FGF12: variants seen among roughly 807,000 people sequenced by gnomAD.
FGF12 encodes fibroblast growth factor 12.
A neutral mutation model predicts 23.6 loss-of-function variants in FGF12; 14 were observed. The observed-to-expected ratio is 0.59, with a 90% CI of 0.39 to 0.93. The LOEUF (loss-of-function observed/expected upper bound fraction) is 0.93. FGF12 is among the 40% of genes least tolerant of loss of function. The probability of loss-of-function intolerance (pLI) is 0.00; values close to 1 mark genes in which losing one functional copy is unlikely to be tolerated. For synonymous variants in FGF12, 62 were observed against 77.3 expected (o/e 0.80, Z 1.04); for missense variants, 175 against 217.8 (o/e 0.80, Z 1.24).
chr3:192,516,336 A>G (rs1244609790), intron 2 of FGF12: 1 of 152,206 alleles, frequency 6.6e-6, no homozygotes, highest in Non-Finnish European at 1.5e-5. Context: ...GAAAACTGTT[A>G]GGTTTTCCCT....
chr3:192,691,583 G>C (rs556541420), intron 2 of FGF12, among the ~76,000 whole-genome samples: 12 of 151,892 alleles, frequency 7.9e-5, no homozygotes, highest in African/African-American at 2.9e-4. Flanking sequence ...ACATTAAAAA[G>C]AAGAAAGACC....
intron 2 of FGF12, among the ~76,000 whole-genome samples, chr3:192,574,856 G>T (rs1262252312): frequency 6.6e-6 from 1 of 152,192 alleles, no homozygotes; most frequent in South Asian, 2.1e-4. Context: ...AATCTCATGA[G>T]AGACCCTGAA....
intron 2 of FGF12, among the ~76,000 whole-genome samples, chr3:192,546,986 G>A (rs966927162): frequency 1.3e-5 from 2 of 152,126 alleles, no homozygotes; most frequent in African/African-American, 4.8e-5. Context: ...AGGAGGTTGA[G>A]GCTGCAGTGA....
chr3:192,464,648 C>A (rs1722959603), intron 2 of FGF12, among the ~76,000 whole-genome samples: 1 of 152,022 alleles, frequency 6.6e-6, no homozygotes, highest in Non-Finnish European at 1.5e-5. Flanking sequence ...GTCTCTTTTT[C>A]ACATAATGAC....
intron 4 of FGF12, among the ~76,000 whole-genome samples, chr3:192,328,131 A>AG (rs751454753): frequency 1.8e-3 from 270 of 152,326 alleles, no homozygotes; most frequent in Non-Finnish European, 1.9e-3. Context: ...GCAGAGTCAC[A>AG]GGTACGTATT....
At chr3:192,255,378 T>C (rs930533866) in intron 4 of FGF12, among the ~76,000 whole-genome samples, 6 of 151,942 alleles carry the variant, frequency 3.9e-5, no homozygotes, top group Non-Finnish European at 7.4e-5. Flanking sequence ...AATTACAATC[T>C]AACTGGGGAG....
chr3:192,498,203 C>T (rs550889728), intron 2 of FGF12, among the ~76,000 whole-genome samples: 1 of 152,258 alleles, frequency 6.6e-6, no homozygotes, highest in South Asian at 2.1e-4. Context: ...ATCTTTAGCA[C>T]CTATTTTTGA....
chr3:192,467,908 C>T (rs146822903), intron 2 of FGF12, among the ~76,000 whole-genome samples: 1 of 152,122 alleles, frequency 6.6e-6, no homozygotes, highest in Admixed American at 6.5e-5. Context: ...CGGCAGGCAC[C>T]GAGCACAACA....
intron 2 of FGF12, among the ~76,000 whole-genome samples, chr3:192,644,980 A>G (rs761166900): frequency 1.3e-5 from 2 of 152,166 alleles, no homozygotes; most frequent in Admixed American, 6.5e-5. Flanking sequence ...TGTTAAGTAG[A>G]TGGGAGAAAG....
rs34991386 is a variant in FGF12 at position 192,336,108 on chromosome 3, T to TACACACACACACACACACACACAC, written c.125-668_125-645dup. Among the ~76,000 whole-genome samples, 10 of 144,048 alleles carry TACACACACACACACACACACACAC rather than the reference T, an allele frequency of 6.9e-5. No homozygotes were observed. The highest frequency in any genetic ancestry group is 1.1e-4 in the Non-Finnish European group (7 of 65,558). The allele number at this position is 144,048 out of a possible 152,430, so 94.5% of individuals were successfully genotyped here. A position where few individuals can be genotyped will look rare whatever the true frequency, so the allele number is the denominator to read the frequency against. On this transcript the variant is annotated intron_variant, in intron 3 of 5. Transcript: ENST00000445105. The surrounding 1 kb of genome is among the most constrained non-coding windows in gnomAD (Gnocchi z 4.3). ...ATATATTTTATATCCAGGTGGGAAA[T>TACACACACACACACACACACACAC]ACACACACACACACACACACACACA... is the stretch of plus-strand genomic sequence containing the variant.
In FGF12 at chr3:192,716,517, C is replaced by T. The variant is rs539426364; in HGVS notation, c.13+10664G>A. 3.9e-5 allele frequency among the ~76,000 whole-genome samples: 6 copies of T among 152,140 alleles called. No individual in the cohort carries two copies. The East Asian group carries it at 7.7e-4, about 20-fold the overall frequency. On this transcript the variant is annotated intron_variant, in intron 2 of 5. Transcript: ENST00000445105. ...AACTACATTGTTTTAAACTGCATAC[C>T]ACAGCTGCATGGCATTCTCTGGTTC...
At chr3:192,519,262 G>A (rs79969588) in intron 2 of FGF12, among the ~76,000 whole-genome samples, 5,978 of 152,182 alleles carry the variant, frequency 0.039, 394 homozygotes, top group African/African-American at 0.14. Flanking sequence ...CCTTCAATCT[G>A]TGATGGTCCC....
At chr3:192,714,011 G>A (rs370492679) in intron 2 of FGF12, among the ~76,000 whole-genome samples, 4 of 152,150 alleles carry the variant, frequency 2.6e-5, no homozygotes, top group South Asian at 2.1e-4. Context: ...ACCCCATGGC[G>A]ATGATTTCGT....
chr3:192,257,758 A>G (rs1367077448), intron 4 of FGF12, among the ~76,000 whole-genome samples: 1 of 152,152 alleles, frequency 6.6e-6, no homozygotes, highest in Admixed American at 6.6e-5. Flanking sequence ...GAGTCTTTCC[A>G]TGGTCACAGG....
chr3:192,385,405 T>C (rs1719996558), intron 2 of FGF12, among the ~76,000 whole-genome samples: 1 of 152,188 alleles, frequency 6.6e-6, no homozygotes, highest in African/African-American at 2.4e-5. Flanking sequence ...TCCCATATCA[T>C]ATGTTTAATA....
In FGF12 at chr3:192,200,905, GAA is replaced by G. The variant is rs564087726; in HGVS notation, c.229-30251_229-30250del. 3.3e-3 allele frequency among the ~76,000 whole-genome samples: 471 copies of G among 144,154 alleles called. 2 individuals carry two copies. Among genetic ancestry groups the G allele is most frequent in the African/African-American group, 0.011 (452 of 39,580 alleles). The allele number at this position is 144,154 out of a possible 152,430, so 94.6% of individuals were successfully genotyped here. A position where few individuals can be genotyped will look rare whatever the true frequency, so the allele number is the denominator to read the frequency against. On this transcript the variant is annotated intron_variant, in intron 4 of 5. Coordinates refer to ENST00000445105, the MANE Select transcript of FGF12 (RefSeq NM_004113.6). Reference sequence around the variant, plus strand: ...AACCAGAAGAACCAGGCTTTTGTGTGAAAAAAAAAAAATGAGTGAGTAGGCTA... The same window carrying G: ...AACCAGAAGAACCAGGCTTTTGTGTGAAAAAAAAAATGAGTGAGTAGGCTA...
intron 4 of FGF12, among the ~76,000 whole-genome samples, chr3:192,274,245 AC>A (rs1399915942): frequency 9.2e-5 from 14 of 152,314 alleles, no homozygotes; most frequent in Admixed American, 3.3e-4. Flanking sequence ...TAAAAATTCC[AC>A]CAATACAAGC....
chr3:192,198,121 CA>C (rs1329057594), intron 4 of FGF12, among the ~76,000 whole-genome samples: 1 of 151,876 alleles, frequency 6.6e-6, no homozygotes, highest in African/African-American at 2.4e-5. Context: ...CCAAAGGATC[CA>C]GAACGGTGCA....
chr3:192,469,063 G>C (rs1258806094), intron 2 of FGF12, among the ~76,000 whole-genome samples: 1 of 152,096 alleles, frequency 6.6e-6, no homozygotes, highest in Non-Finnish European at 1.5e-5. Context: ...AGAGCCTTTA[G>C]GTAGGCTCCT....
Sources: allele counts gnomAD v4.1 joint callset (sites outside exome capture counted in the v4.1 genomes callset), GRCh38; gene constraint gnomAD v4.1.1; non-coding constraint Gnocchi (gnomAD v3.1); transcripts MANE v1.5; gene names NCBI Gene and HGNC (gene_info 2026-07-23, HGNC 2026-07-21).